NAA11: variants seen among roughly 807,000 people sequenced by gnomAD.
NAA11 encodes the protein N-alpha-acetyltransferase 11, NatA catalytic subunit, also known as N-alpha-acetyltransferase 11.
Under a neutral mutation model 16.1 loss-of-function variants are expected in NAA11, and 15 were observed. That is an observed-to-expected ratio of 0.93 (90% CI 0.62 to 1.44). The LOEUF is 1.44. NAA11 is among the 40% of genes most tolerant of loss of function. The pLI is 0.00. For missense variants in NAA11, 298 were observed against 291.3 expected (o/e 1.02, Z -0.17); for synonymous variants, 122 against 112.4 (o/e 1.09, Z -0.54).
Position 79,325,718 on chromosome 4 carries a change from C to T in NAA11, c.160G>A (p.Gly54Ser), listed in dbSNP as rs779530758. ...IAEDEDGKIV[G>S]YVLAKMEEEP... is the part of the protein sequence containing the mutation. ...TCCTCCATTTTGGCCAGAACATAGC[C>T]CACAATCTTCCCGTCCTCATCCTCA... Residue 54 changes from glycine (G) to serine (S), a missense_variant, in exon 1 of 2, where the codon GGC (glycine) becomes AGC (serine). Transcript: ENST00000286794. 6.2e-7 allele frequency: 1 copy of T among 1,614,170 alleles called. No individual in the cohort carries two copies. The highest frequency in any genetic ancestry group is 8.5e-7 in the Non-Finnish European group (1 of 1,180,026).
the NAA11 span, among the ~76,000 whole-genome samples, chr4:79,202,623 T>TTATTTATATATATATATATATATATATA: frequency 1.9e-5 from 1 of 52,638 alleles, no homozygotes; most frequent in African/African-American, 4.6e-5. Flanking sequence ...ATATATAGTT[T>TTATTTATATATATATATATATATATATA]TATATATATA....
intron 2 of NAA11, among the ~76,000 whole-genome samples, chr4:79,246,376 C>CAAA (rs1560420199): frequency 2.5e-4 from 29 of 114,132 alleles, no homozygotes; most frequent in Non-Finnish European, 3.9e-4. Context: ...TCAATAAATA[C>CAAA]TAAAAAAAAA....
chr4:79,218,856 T>C, the NAA11 span, among the ~76,000 whole-genome samples: 1 of 152,134 alleles, frequency 6.6e-6, no homozygotes, highest in Non-Finnish European at 1.5e-5. Context: ...ATATGCTGAA[T>C]TCAATTCATA....
the NAA11 span, among the ~76,000 whole-genome samples, chr4:79,169,648 A>G: frequency 3.9e-5 from 6 of 152,214 alleles, 1 homozygote; most frequent in Admixed American, 3.3e-4. Flanking sequence ...TAAAAACCCT[A>G]GAAGAAAACC....
At chr4:79,183,970 A>G in the NAA11 span, among the ~76,000 whole-genome samples, 2 of 150,350 alleles carry the variant, frequency 1.3e-5, no homozygotes, top group Non-Finnish European at 3.0e-5. Flanking sequence ...CTTGACAACA[A>G]CATTTACTTG....
At chr4:79,207,985 A>G in the NAA11 span, among the ~76,000 whole-genome samples, 1 of 152,128 alleles carries the variant, frequency 6.6e-6, no homozygotes, top group East Asian at 1.9e-4. Context: ...TTTTAAAGCA[A>G]TTGTACAAAG....
At chr4:79,181,160 A>G in the NAA11 span, among the ~76,000 whole-genome samples, 1 of 151,806 alleles carries the variant, frequency 6.6e-6, no homozygotes, top group Admixed American at 6.6e-5. Context: ...GCACACCAAC[A>G]TGGCACATGT....
At chr4:79,314,641 T>TAAAAAAAAAAAAAAAAAAAAAAAAAA (rs375245497), downstream of NAA11, among the ~76,000 whole-genome samples, 7 of 98,064 alleles carry the variant, frequency 7.1e-5, no homozygotes, top group East Asian at 3.4e-4. Context: ...TCCTTAAAAT[T>TAAAAAAAAAAAAAAAAAAAAAAAAAA]AAAAAAAAAA....
At chr4:79,155,753 G>T in the NAA11 span, among the ~76,000 whole-genome samples, 2 of 152,226 alleles carry the variant, frequency 1.3e-5, no homozygotes, top group Non-Finnish European at 2.9e-5. Context: ...TAGTGTTTAT[G>T]ATTGATGACA....
At chr4:79,264,278 C>T (rs1183823812) in intron 2 of NAA11, among the ~76,000 whole-genome samples, 1 of 152,188 alleles carries the variant, frequency 6.6e-6, no homozygotes, top group Non-Finnish European at 1.5e-5. Context: ...TCTTAAACTA[C>T]AGGTTCTATT....
At chr4:79,275,297 G>A (rs1223371917) in intron 2 of NAA11, among the ~76,000 whole-genome samples, 1 of 152,004 alleles carries the variant, frequency 6.6e-6, no homozygotes, top group African/African-American at 2.4e-5. Flanking sequence ...TTCTGTCTCT[G>A]AATACAGTTG....
chr4:79,247,830 C>G (rs78035690), intron 2 of NAA11, among the ~76,000 whole-genome samples: 1 of 152,030 alleles, frequency 6.6e-6, no homozygotes, highest in Non-Finnish European at 1.5e-5. Context: ...GGAATCTTGG[C>G]GGCAGAAGAC....
intron 2 of NAA11, among the ~76,000 whole-genome samples, chr4:79,237,532 T>C (rs967446447): frequency 6.6e-6 from 1 of 152,212 alleles, no homozygotes; most frequent in Non-Finnish European, 1.5e-5. Context: ...ATTTTAAGTA[T>C]AGAATTCAAC....
At chr4:79,185,940 GTTTATGT>G in the NAA11 span, among the ~76,000 whole-genome samples, 1 of 152,062 alleles carries the variant, frequency 6.6e-6, no homozygotes, top group Non-Finnish European at 1.5e-5. Context: ...TTGACCATCT[GTTTATGT>G]TGACAACCAC....
At chr4:79,232,106 T>C (rs181053834) in intron 2 of NAA11, among the ~76,000 whole-genome samples, 156 of 152,008 alleles carry the variant, frequency 1.0e-3, no homozygotes, top group African/African-American at 3.4e-3. Flanking sequence ...AATGATATGA[T>C]GTCTGAGGTT....
At chr4:79,296,347 C>CTT (rs1435072321) in intron 1 of NAA11, among the ~76,000 whole-genome samples, 1 of 152,206 alleles carries the variant, frequency 6.6e-6, no homozygotes, top group African/African-American at 2.4e-5. Flanking sequence ...GGAAGTCATC[C>CTT]TTTTAACCAA....
At chr4:79,302,111 C>T (rs898651321) in intron 1 of NAA11, among the ~76,000 whole-genome samples, 4 of 151,946 alleles carry the variant, frequency 2.6e-5, no homozygotes, top group African/African-American at 4.8e-5. Flanking sequence ...AATGTGCATA[C>T]GGGATACAAG....
At chr4:79,166,093 C>T in the NAA11 span, among the ~76,000 whole-genome samples, 1 of 152,152 alleles carries the variant, frequency 6.6e-6, no homozygotes, top group African/African-American at 2.4e-5. Flanking sequence ...AAGCCAACAA[C>T]AGCAAAACAT....
the NAA11 span, among the ~76,000 whole-genome samples, chr4:79,182,295 A>G: frequency 6.6e-6 from 1 of 152,232 alleles, no homozygotes; most frequent in Non-Finnish European, 1.5e-5. Context: ...CATGGCAACA[A>G]TTAAGCTCCT....
Sources: allele counts gnomAD v4.1 joint callset (sites outside exome capture counted in the v4.1 genomes callset), GRCh38; gene constraint gnomAD v4.1.1; transcripts MANE v1.5; gene names NCBI Gene and HGNC (gene_info 2026-07-23, HGNC 2026-07-21).